The following DPP10 variants were observed in gnomAD, a reference collection of about 807,000 sequenced individuals.
DPP10 encodes the protein dipeptidyl peptidase like 10.
DPP10 carries 33 observed loss-of-function variants against 120.9 expected under a neutral mutation model. The ratio of observed to expected loss-of-function variants is 0.27; its 90% CI spans 0.21 to 0.37. The LOEUF (loss-of-function observed/expected upper bound fraction) is 0.37, where lower values mean the gene tolerates loss of function less well. Among genes scored for constraint, DPP10 ranks in the 10% least tolerant of loss-of-function variants. The probability of loss-of-function intolerance (pLI) is 1.00; values close to 1 mark genes in which losing one functional copy is unlikely to be tolerated. For synonymous variants in DPP10, 337 were observed against 326.1 expected (o/e 1.03, Z -0.36); for missense variants, 816 against 942.8 (o/e 0.87, Z 1.76).
intron 1 of DPP10, among the ~76,000 whole-genome samples, chr2:114,551,340 T>A (rs1687871390): frequency 6.6e-6 from 1 of 152,208 alleles, no homozygotes; most frequent in Non-Finnish European, 1.5e-5. Flanking sequence ...TGTGGATTTA[T>A]GTCTCTTATA....
intron 19 of DPP10, among the ~76,000 whole-genome samples, chr2:115,791,667 T>G (rs919701220): frequency 6.6e-6 from 1 of 152,224 alleles, no homozygotes; most frequent in African/African-American, 2.4e-5. Context: ...CAGTTGTTTA[T>G]GCAACATTGT....
chr2:114,976,256 T>C (rs1699751384), intron 1 of DPP10, among the ~76,000 whole-genome samples: 1 of 152,188 alleles, frequency 6.6e-6, no homozygotes, highest in South Asian at 2.1e-4. Flanking sequence ...TCTTCTACCT[T>C]CCCTCTGATT....
intron 1 of DPP10, among the ~76,000 whole-genome samples, chr2:115,035,511 T>C (rs1166396727): frequency 1.3e-5 from 2 of 152,238 alleles, no homozygotes; most frequent in African/African-American, 4.8e-5. Context: ...ACGATTCTTA[T>C]ATTTGACACA....
intron 5 of DPP10, among the ~76,000 whole-genome samples, chr2:115,625,571 C>T (rs192443610): frequency 6.6e-6 from 1 of 152,074 alleles, no homozygotes. Context: ...AGGATTAAGA[C>T]ATTAAGAATA....
intron 2 of DPP10, among the ~76,000 whole-genome samples, chr2:115,337,511 G>A (rs1338224244): frequency 2.6e-5 from 4 of 151,782 alleles, no homozygotes; most frequent in Admixed American, 6.6e-5. Flanking sequence ...TACTAGTTAC[G>A]TGGTCTTTGT....
At chr2:115,088,135 T>C (rs1387558588) in intron 1 of DPP10, among the ~76,000 whole-genome samples, 1 of 152,146 alleles carries the variant, frequency 6.6e-6, no homozygotes, top group Non-Finnish European at 1.5e-5. Context: ...GCCTCTTTTA[T>C]AAGGGCACTA....
At chr2:115,384,906 A>G (rs1168682784) in intron 3 of DPP10, among the ~76,000 whole-genome samples, 1 of 152,178 alleles carries the variant, frequency 6.6e-6, no homozygotes. Flanking sequence ...GTGGGAGATA[A>G]TTTGAATCCT....
chr2:114,987,808 T>TTTTTTTTTTTTTTTTTA, intron 1 of DPP10, among the ~76,000 whole-genome samples: 1 of 127,748 alleles, frequency 7.8e-6, no homozygotes. Flanking sequence ...GACTGTCTTT[T>TTTTTTTTTTTTTTTTTA]TTTTTTTTAT....
intron 7 of DPP10, among the ~76,000 whole-genome samples, chr2:115,722,650 A>G (rs1346913959): frequency 6.6e-6 from 1 of 152,128 alleles, no homozygotes; most frequent in Admixed American, 6.5e-5. Flanking sequence ...AAACATATAG[A>G]CACGTAGAAA....
intron 5 of DPP10, among the ~76,000 whole-genome samples, chr2:115,617,900 G>A (rs1346637627): frequency 6.6e-6 from 1 of 152,076 alleles, no homozygotes; most frequent in Non-Finnish European, 1.5e-5. Flanking sequence ...TAGAACTATT[G>A]TAACAATATA....
intron 1 of DPP10, among the ~76,000 whole-genome samples, chr2:114,652,541 C>T (rs1057076800): frequency 3.9e-5 from 6 of 152,164 alleles, no homozygotes; most frequent in African/African-American, 9.7e-5. Context: ...GCAGGTGTTA[C>T]GAATTCATTT....
chr2:114,994,683 A>G (rs1162336784), intron 1 of DPP10, among the ~76,000 whole-genome samples: 1 of 152,062 alleles, frequency 6.6e-6, no homozygotes, highest in Non-Finnish European at 1.5e-5. Context: ...CTTACTCATT[A>G]TATTCTTTTC....
At chr2:114,572,431 A>T (rs553081979) in intron 1 of DPP10, among the ~76,000 whole-genome samples, 1 of 152,210 alleles carries the variant, frequency 6.6e-6, no homozygotes, top group Non-Finnish European at 1.5e-5. Context: ...TCATTCTATA[A>T]TAATCACCAA....
intron 5 of DPP10, among the ~76,000 whole-genome samples, chr2:115,576,041 C>T (rs866024058): frequency 3.3e-5 from 5 of 152,300 alleles, no homozygotes; most frequent in African/African-American, 1.2e-4. Context: ...TCCTCACTGT[C>T]ATCTTTATTT....
rs565819997 is a variant in DPP10, at chr2:115,823,774, G to T, written c.1950+8045G>T. Among the ~76,000 whole-genome samples the T allele has an allele frequency of 3.3e-5, 5 of 152,248 alleles. No homozygotes were observed. The East Asian group carries it at 9.6e-4, about 29-fold the overall frequency. On this transcript the variant is annotated intron_variant, in intron 21 of 25. Transcript: ENST00000410059. ...ATCTGTTTCACTTAATGCTGGAAAA[G>T]AAACTGCCATAAATATGTTGTTCTC...
intron 1 of DPP10, among the ~76,000 whole-genome samples, chr2:114,760,237 T>A (rs1301792322): frequency 6.6e-6 from 1 of 152,014 alleles, no homozygotes; most frequent in Non-Finnish European, 1.5e-5. Context: ...CTGCTAATAG[T>A]CCCCAGTGGC....
chr2:115,770,865 TC>T (rs1441595839), intron 13 of DPP10, among the ~76,000 whole-genome samples: 2 of 152,158 alleles, frequency 1.3e-5, no homozygotes, highest in Non-Finnish European at 2.9e-5. Context: ...CATTCTTTTT[TC>T]ATGAGAAATA....
chr2:115,554,000 TTCACACACAC>T (rs2080047749), intron 5 of DPP10, among the ~76,000 whole-genome samples: 1 of 55,080 alleles, frequency 1.8e-5, no homozygotes, highest in Admixed American at 2.3e-4. Flanking sequence ...CTCTCTCTCT[TTCACACACAC>T]ACACACACAC....
At chr2:114,817,280 G>GGCTTATCAGTGATA (rs1454744104) in intron 1 of DPP10, among the ~76,000 whole-genome samples, 1 of 147,324 alleles carries the variant, frequency 6.8e-6, no homozygotes, top group Admixed American at 6.9e-5. Context: ...TAGTGATAGG[G>GGCTTATCAGTGATA]GGATATCAGC....
Sources: allele counts gnomAD v4.1 joint callset (sites outside exome capture counted in the v4.1 genomes callset), GRCh38; gene constraint gnomAD v4.1.1; transcripts MANE v1.5; gene names NCBI Gene and HGNC (gene_info 2026-07-23, HGNC 2026-07-21).